ZSCAN25: variants seen among roughly 807,000 people sequenced by gnomAD.
ZSCAN25 encodes the protein zinc finger and SCAN domain-containing protein 25.
ZSCAN25 carries 27 observed loss-of-function variants against 38.7 expected under a neutral mutation model. The ratio of observed to expected loss-of-function variants is 0.70; its 90% CI spans 0.51 to 0.96. ZSCAN25 has a LOEUF of 0.96. Ranked by LOEUF, ZSCAN25 falls within the 40% of genes least tolerant of loss-of-function variation. The probability of loss-of-function intolerance (pLI) is 0.00; values close to 1 mark genes in which losing one functional copy is unlikely to be tolerated. For synonymous variants in ZSCAN25, 273 were observed against 277.7 expected (o/e 0.98, Z 0.17); for missense variants, 637 against 705.9 (o/e 0.90, Z 1.11).
the ZSCAN25 span, chr7:99,658,983 C>T: frequency 2.6e-5 from 4 of 152,138 alleles, no homozygotes; most frequent in Non-Finnish European, 5.9e-5. Context: ...AGCCATTTGT[C>T]TAATCTTTTT....
chr7:99,619,633 G>A lies in ZSCAN25; in HGVS notation c.27G>A (p.Ala9=), dbSNP rs373434571. The part of the protein sequence containing the change: MLKEHPEM[A]EAPQQQLGIP... Reference sequence around the variant, plus strand: ...TGCTTAAAGAGCATCCAGAGATGGCGGAAGCTCCTCAGCAGCAGTTGGGTA... The same window carrying A: ...TGCTTAAAGAGCATCCAGAGATGGCAGAAGCTCCTCAGCAGCAGTTGGGTA... Residue 9 remains alanine, a synonymous_variant, in exon 4 of 8, where the codon GCG becomes GCA. Coordinates refer to ENST00000394152, the MANE Select transcript of ZSCAN25 (RefSeq NM_145115.3). 11 of 1,613,892 alleles carry A rather than the reference G, an allele frequency of 6.8e-6. No homozygotes were observed. The highest frequency in any genetic ancestry group is 6.7e-5 in the Admixed American group (4 of 60,022).
chr7:99,684,477 A>G, the ZSCAN25 span, among the ~76,000 whole-genome samples: 1 of 152,186 alleles, frequency 6.6e-6, no homozygotes, highest in Non-Finnish European at 1.5e-5. Flanking sequence ...CAAAAAAGGC[A>G]TAATTAAACT....
At chr7:99,708,098 A>G in the ZSCAN25 span, 6 of 1,358,386 alleles carry the variant, frequency 4.4e-6, no homozygotes, top group Admixed American at 9.4e-5. Flanking sequence ...TTTGTGGGCT[A>G]GTCACTGAAA....
At chr7:99,669,791 G>A in the ZSCAN25 span, among the ~76,000 whole-genome samples, 1 of 152,150 alleles carries the variant, frequency 6.6e-6, no homozygotes, top group Non-Finnish European at 1.5e-5. Flanking sequence ...ATGAAGCAGT[G>A]AAAAATATGT....
the ZSCAN25 span, among the ~76,000 whole-genome samples, chr7:99,702,669 G>T: frequency 3.3e-5 from 5 of 152,180 alleles, no homozygotes; most frequent in Non-Finnish European, 5.9e-5. Flanking sequence ...ATAATTTGAA[G>T]TCAGGTAATA....
At chr7:99,662,784 G>T in the ZSCAN25 span, 2 of 1,593,166 alleles carry the variant, frequency 1.3e-6, no homozygotes, top group African/African-American at 1.3e-5. This position sits in a 1 kb window ranked among gnomAD's most constrained non-coding sequence, Gnocchi z 4.3. Flanking sequence ...TAGTGTCCCC[G>T]CCAGTAGCCC....
Position 99,629,458 on chromosome 7 carries a change from G to T in ZSCAN25, c.1073G>T (p.Ser358Ile). ...TGCCCTGAGTGTGGGAAAGGATTCA[G>T]TCGGAGCTCCAATCTCGTCAGGCAC... ...FQCPECGKGF[S>I]RSSNLVRHQR... The change falls in exon 8 of 8, where the codon AGT becomes ATT. Residue 358 changes from serine to isoleucine, a missense_variant. Transcript: ENST00000394152. This position sits in a 1 kb window ranked among gnomAD's most constrained non-coding sequence, Gnocchi z 5.6. 2.5e-6 allele frequency: 4 copies of T among 1,614,224 alleles called. No homozygotes were observed. The highest frequency in any genetic ancestry group is 3.4e-6 in the Non-Finnish European group (4 of 1,180,038).
the ZSCAN25 span, among the ~76,000 whole-genome samples, chr7:99,727,444 T>G: frequency 6.6e-6 from 1 of 152,142 alleles, no homozygotes; most frequent in East Asian, 1.9e-4. Flanking sequence ...CAATACCCAC[T>G]CTCTGTTGAG....
At chr7:99,647,689 A>T in the ZSCAN25 span, 8 of 985,478 alleles carry the variant, frequency 8.1e-6, no homozygotes, top group Non-Finnish European at 9.6e-6. Flanking sequence ...GGGCAAAGTC[A>T]CAGCAGATTA....
the ZSCAN25 span, chr7:99,660,697 C>T: frequency 1.2e-6 from 2 of 1,606,632 alleles, no homozygotes; most frequent in African/African-American, 1.3e-5. Flanking sequence ...TAAATCAGGT[C>T]AACGTACAAC....
At chr7:99,650,195 A>T in the ZSCAN25 span, 5 of 1,614,076 alleles carry the variant, frequency 3.1e-6, no homozygotes, top group Admixed American at 8.3e-5. Context: ...AAGGGTGTGT[A>T]TATGTAAGGA....
chr7:99,650,328 T>C, the ZSCAN25 span: 5 of 1,113,812 alleles, frequency 4.5e-6, no homozygotes, highest in African/African-American at 1.6e-5. Context: ...CCCCTCCACC[T>C]CCCAACCAGT....
the ZSCAN25 span, chr7:99,663,831 A>G: frequency 7.3e-7 from 1 of 1,364,374 alleles, no homozygotes; most frequent in Non-Finnish European, 9.4e-7. Flanking sequence ...CTTTATTTCT[A>G]CCAAATGGCT....
chr7:99,647,260 G>A, the ZSCAN25 span, among the ~76,000 whole-genome samples: 1 of 152,166 alleles, frequency 6.6e-6, no homozygotes, highest in African/African-American at 2.4e-5. Context: ...GCCCCTCCAT[G>A]TGGATGCCTT....
chr7:99,638,766 C>T, the ZSCAN25 span: 31 of 1,036,214 alleles, frequency 3.0e-5, no homozygotes, highest in Non-Finnish European at 4.5e-5. Flanking sequence ...CTTTCCCCAT[C>T]GCGTCAGAGA....
the ZSCAN25 span, chr7:99,709,133 C>G: frequency 9.3e-6 from 15 of 1,613,890 alleles, no homozygotes; most frequent in African/African-American, 2.7e-5. Context: ...GAATAAACAT[C>G]CCATTGATTT....
chr7:99,695,599 C>T, the ZSCAN25 span: 85 of 694,662 alleles, frequency 1.2e-4, no homozygotes, highest in Middle Eastern at 1.8e-3. Flanking sequence ...CGGGGTAAAC[C>T]TTGCCATGCT....
the ZSCAN25 span, among the ~76,000 whole-genome samples, chr7:99,711,314 A>G: frequency 6.6e-6 from 1 of 152,202 alleles, no homozygotes; most frequent in Non-Finnish European, 1.5e-5. Flanking sequence ...ACCTTGACAA[A>G]CTTTGAGAGA....
the ZSCAN25 span, among the ~76,000 whole-genome samples, chr7:99,694,637 T>C: frequency 3.3e-5 from 5 of 152,238 alleles, no homozygotes; most frequent in African/African-American, 7.2e-5. Context: ...GGGGAAATTA[T>C]TGCTTTTGCA....
Sources: gnomAD v4.1 joint callset for allele counts (sites outside exome capture counted in the v4.1 genomes callset) on GRCh38, gnomAD v4.1.1 for gene constraint, Gnocchi (gnomAD v3.1) non-coding constraint, MANE v1.5 for transcripts, NCBI Gene and HGNC (gene_info 2026-07-23, HGNC 2026-07-21) for gene names.